The following TWSG1 variants were observed in gnomAD, a reference collection of about 807,000 sequenced individuals.
TWSG1 encodes twisted gastrulation BMP signaling modulator 1, also known as twisted gastrulation protein homolog 1.
A neutral mutation model predicts 23.0 loss-of-function variants in TWSG1; 15 were observed. That is an observed-to-expected ratio of 0.65 (90% CI 0.44 to 1.00). The LOEUF is 1.00. Ranked by LOEUF, TWSG1 falls within the 50% of genes least tolerant of loss-of-function variation. The pLI, the probability that TWSG1 is intolerant of heterozygous loss-of-function variation, is 0.00. For missense variants in TWSG1, 242 were observed against 278.7 expected, an observed-to-expected ratio of 0.87 and a Z score of 0.94; for synonymous variants, 86 against 92.8, an observed-to-expected ratio of 0.93 and a Z score of 0.42.
intron 3 of TWSG1, among the ~76,000 whole-genome samples, chr18:9,389,579 G>A (rs1011893963): frequency 2.6e-5 from 4 of 152,144 alleles, no homozygotes; most frequent in African/African-American, 9.7e-5. Flanking sequence ...TTCAAGTTCA[G>A]CTGTATTGAA....
chr18:9,347,832 T>C (rs1289008340), intron 2 of TWSG1, among the ~76,000 whole-genome samples: 1 of 152,166 alleles, frequency 6.6e-6, no homozygotes, highest in Non-Finnish European at 1.5e-5. Context: ...CTTGTTTTTT[T>C]TGGATGCATT....
intron 3 of TWSG1, among the ~76,000 whole-genome samples, chr18:9,377,346 G>A (rs148907579): frequency 6.6e-6 from 1 of 151,926 alleles, no homozygotes; most frequent in Non-Finnish European, 1.5e-5. Context: ...AGCCTCCGGA[G>A]TAGCTGGGAT....
At chr18:9,364,806 A>AG (rs1491520924) in intron 3 of TWSG1, among the ~76,000 whole-genome samples, 1 of 133,860 alleles carries the variant, frequency 7.5e-6, no homozygotes, top group Admixed American at 7.6e-5. Flanking sequence ...AAAAAAAAAA[A>AG]GAAGAAGAAG....
At chr18:9,388,724 ATTTG>A (rs1315356854) in intron 3 of TWSG1, among the ~76,000 whole-genome samples, 2 of 152,098 alleles carry the variant, frequency 1.3e-5, no homozygotes, top group African/African-American at 4.8e-5. Context: ...TCATTTATTT[ATTTG>A]TTTGTTTTTT....
intron 3 of TWSG1, among the ~76,000 whole-genome samples, chr18:9,372,370 A>AAAAT (rs1568036392): frequency 1.3e-5 from 2 of 148,300 alleles, no homozygotes; most frequent in Non-Finnish European, 3.0e-5. Flanking sequence ...GTAATAAAAT[A>AAAAT]AAAATAAAAT....
intron 3 of TWSG1, among the ~76,000 whole-genome samples, chr18:9,368,282 A>G (rs145407185): frequency 0.011 from 1,602 of 152,052 alleles, 32 homozygotes; most frequent in African/African-American, 0.037. Flanking sequence ...GCTCACTGCA[A>G]CCTCCGCCTC....
chr18:9,377,761 C>T (rs1376328172), intron 3 of TWSG1, among the ~76,000 whole-genome samples: 2 of 152,140 alleles, frequency 1.3e-5, no homozygotes, highest in African/African-American at 2.4e-5. Flanking sequence ...ACTCTGTTGC[C>T]CAGGCTGGAG....
chr18:9,383,253 G>T (rs997160101), intron 3 of TWSG1, among the ~76,000 whole-genome samples: 1 of 150,012 alleles, frequency 6.7e-6, no homozygotes, highest in East Asian at 1.9e-4. Context: ...GAGGTGCAGA[G>T]GTGTGATCTT....
intron 2 of TWSG1, among the ~76,000 whole-genome samples, chr18:9,344,531 A>ATGTTT (rs756535502): frequency 9.8e-6 from 1 of 102,102 alleles, no homozygotes; most frequent in African/African-American, 3.7e-5. Context: ...GTATGTATGT[A>ATGTTT]TTTTTTTTTT....
At chr18:9,395,718 A>G (rs1373110639) in intron 3 of TWSG1, among the ~76,000 whole-genome samples, 1 of 152,176 alleles carries the variant, frequency 6.6e-6, no homozygotes, top group Non-Finnish European at 1.5e-5. Context: ...GGCATGCACC[A>G]CCACACCCAG....
intron 3 of TWSG1, among the ~76,000 whole-genome samples, chr18:9,365,046 C>T (rs1367444812): frequency 1.3e-5 from 2 of 152,110 alleles, no homozygotes; most frequent in Non-Finnish European, 2.9e-5. Context: ...TCTGCCTAAG[C>T]ATGATGGCTC....
chr18:9,335,064 G>C (rs940514838), intron 1 of TWSG1, 144 bp downstream of exon 1: 2 of 152,594 alleles, frequency 1.3e-5, no homozygotes, highest in Admixed American at 6.5e-5. Context: ...GCTGCGCGGA[G>C]GACAAAGTGG....
rs751402531 is a variant in TWSG1 at position 9,396,632 on chromosome 18, T to C, written c.490+86T>C. On this transcript the variant is annotated intron_variant, in intron 4 of 4. Coordinates refer to ENST00000262120, the MANE Select transcript of TWSG1 (RefSeq NM_020648.6). ...TATAAAACCTATATAAGACCATCTT[T>C]TGGAGCAGCCTTTTGGTTTTGAATT... 7 of 1,487,558 alleles carry C rather than the reference T, an allele frequency of 4.7e-6. No homozygotes were observed. The African/African-American group carries it at 7.0e-5, about 15-fold the overall frequency. 92.1% of individuals were successfully genotyped at this position (1,487,558 alleles called of 1,614,324 possible).
chr18:9,357,842 G>C (rs996749784), intron 2 of TWSG1, among the ~76,000 whole-genome samples: 2 of 25,970 alleles, frequency 7.7e-5, no homozygotes, highest in Non-Finnish European at 1.6e-4. Flanking sequence ...AGCAGGGAAG[G>C]GGGGGGATGG....
intron 3 of TWSG1, among the ~76,000 whole-genome samples, chr18:9,371,450 C>T (rs2040604867): frequency 6.6e-6 from 1 of 151,998 alleles, no homozygotes; most frequent in South Asian, 2.1e-4. Flanking sequence ...GCACGTGCCA[C>T]CATGCCTGGC....
chr18:9,396,357 C>A lies in TWSG1; in HGVS notation c.301C>A (p.Pro101Thr), dbSNP rs746513193. Residue 101 changes from proline (P) to threonine (T), a missense_variant, in exon 4 of 5, where the codon CCT (proline) becomes ACT (threonine). Pro to Thr is a conservative substitution (Grantham distance 38). Transcript: ENST00000262120. ...STVEELHEPI[P>T]SLFRALTEGD... ...AGTGGAGGAGCTGCATGAACCGATC[C>A]CTTCTCTCTTCCGGGCACTCACAGA... The A allele has an allele frequency of 6.2e-7, 1 of 1,614,114 alleles. No homozygotes were observed. Among genetic ancestry groups the A allele is most frequent in the Non-Finnish European group, 8.5e-7 (1 of 1,180,032 alleles).
chr18:9,385,753 G>A (rs937766571), intron 3 of TWSG1, among the ~76,000 whole-genome samples: 5 of 150,720 alleles, frequency 3.3e-5, no homozygotes, highest in Admixed American at 2.6e-4. Flanking sequence ...GACCAAGGAG[G>A]AAATATTTAG....
In TWSG1 at chr18:9,352,083, C is replaced by CT. The variant is rs565182615; in HGVS notation, c.124-7884dup. On this transcript the variant is annotated intron_variant, in intron 2 of 4. Coordinates refer to ENST00000262120, the MANE Select transcript of TWSG1 (RefSeq NM_020648.6). ...GTGCCCCCTTTGTAGCTGGACCTAG[C>CT]TTTTTCCCTAGCCTCAGCCCCTGGC... Among the ~76,000 whole-genome samples, 351 of 152,270 alleles carry CT rather than the reference C, an allele frequency of 2.3e-3. 3 individuals carry two copies. The highest frequency in any genetic ancestry group is 8.2e-3 in the African/African-American group (340 of 41,538).
At chr18:9,381,324 A>G (rs1418445331) in intron 3 of TWSG1, among the ~76,000 whole-genome samples, 1 of 152,190 alleles carries the variant, frequency 6.6e-6, no homozygotes, top group East Asian at 1.9e-4. Flanking sequence ...GGACCCCTCT[A>G]TACTCTGAAA....
Sources: gnomAD v4.1 joint callset for allele counts (sites outside exome capture counted in the v4.1 genomes callset) on GRCh38, gnomAD v4.1.1 for gene constraint, MANE v1.5 for transcripts, NCBI Gene and HGNC (gene_info 2026-07-23, HGNC 2026-07-21) for gene names.